COL5A2: variants seen among roughly 807,000 people sequenced by gnomAD.
The protein encoded by COL5A2 is collagen type V alpha 2 chain.
COL5A2 carries 23 observed loss-of-function variants against 208.2 expected under a neutral mutation model. The observed-to-expected ratio is 0.11, with a 90% CI of 0.08 to 0.16. The LOEUF (loss-of-function observed/expected upper bound fraction) is 0.16, where lower values mean the gene tolerates loss of function less well. Among genes scored for constraint, COL5A2 ranks in the 10% least tolerant of loss-of-function variants. The pLI is 1.00. For missense variants in COL5A2, 1,590 were observed against 1,956.4 expected, an observed-to-expected ratio of 0.81 and a Z score of 3.53; for synonymous variants, 625 against 628.5, an observed-to-expected ratio of 0.99 and a Z score of 0.08.
At chr2:189,258,372 C>A in the COL5A2 span, among the ~76,000 whole-genome samples, 1 of 152,188 alleles carries the variant, frequency 6.6e-6, no homozygotes. Flanking sequence ...AATTACCCTA[C>A]AATATCTAAT....
intron 1 of COL5A2, among the ~76,000 whole-genome samples, chr2:189,145,933 T>C (rs1273131441): frequency 1.3e-5 from 2 of 152,050 alleles, no homozygotes; most frequent in East Asian, 3.9e-4. Context: ...ATGAGTGAGG[T>C]AATGACTCTC....
chr2:189,110,228 A>C lies in COL5A2; in HGVS notation c.319T>G (p.Phe107Val), dbSNP rs778501601. ...AGTTGGCCCTAAACATTCTTACCAAAATTGGTATTGCCACCTCCAGGTGTT... is the reference window on the plus strand; with the variant it reads ...AGTTGGCCCTAAACATTCTTACCAACATTGGTATTGCCACCTCCAGGTGTT... Reference protein sequence around the residue: ...SQTPGGGNTNFGRGRKGQKGE... With the variant: ...SQTPGGGNTNVGRGRKGQKGE... Residue 107 changes from phenylalanine (F) to valine (V), a missense_variant, in exon 2 of 54, where the codon TTT becomes GTT. Phe to Val is a conservative substitution (Grantham distance 50). Transcript: ENST00000374866. 13 of 1,611,422 alleles carry C rather than the reference A, an allele frequency of 8.1e-6. No individual in the cohort carries two copies. The highest frequency in any genetic ancestry group is 1.7e-5 in the Admixed American group (1 of 59,994).
At chr2:189,247,155 C>T in the COL5A2 span, among the ~76,000 whole-genome samples, 3 of 152,090 alleles carry the variant, frequency 2.0e-5, no homozygotes, top group Non-Finnish European at 4.4e-5. Context: ...AGAGAAAAAA[C>T]GGCCATGGAC....
chr2:189,308,863 A>G, the COL5A2 span, among the ~76,000 whole-genome samples: 1 of 152,286 alleles, frequency 6.6e-6, no homozygotes, highest in Admixed American at 6.5e-5. Flanking sequence ...TAAAACATAT[A>G]AAACCAAGCT....
At chr2:189,097,832 T>G (rs72906361) in intron 5 of COL5A2, among the ~76,000 whole-genome samples, 19,931 of 152,266 alleles carry the variant, frequency 0.13, 1,323 homozygotes, top group South Asian at 0.18. Context: ...AAGGAAAGCC[T>G]CTTAGCCTAC....
chr2:189,118,203 T>C (rs1687433808), intron 1 of COL5A2, among the ~76,000 whole-genome samples: 1 of 152,020 alleles, frequency 6.6e-6, no homozygotes, highest in Non-Finnish European at 1.5e-5. Flanking sequence ...TATAGGAATA[T>C]GATGTATTAT....
chr2:189,055,217 G>A (rs1355509952), intron 35 of COL5A2, among the ~76,000 whole-genome samples: 2 of 152,134 alleles, frequency 1.3e-5, no homozygotes, highest in Admixed American at 6.5e-5. Context: ...AAAAGGAAAA[G>A]TAGCTAAAGT....
At chr2:189,111,442 CCTT>C (rs1436345433) in intron 1 of COL5A2, among the ~76,000 whole-genome samples, 1 of 152,118 alleles carries the variant, frequency 6.6e-6, no homozygotes, top group African/African-American at 2.4e-5. Context: ...AGGCTAAAGA[CCTT>C]CTTTCCCATT....
the COL5A2 span, among the ~76,000 whole-genome samples, chr2:189,429,092 T>G: frequency 6.6e-6 from 1 of 152,176 alleles, no homozygotes; most frequent in African/African-American, 2.4e-5. Context: ...TGAGGAATGC[T>G]AAGAGAGTCA....
In COL5A2 at chr2:189,186,454, G is replaced by A. The variant is rs988122097; in HGVS notation, c.-42+38694C>T. Among the ~76,000 whole-genome samples the A allele has an allele frequency of 2.0e-5, 3 of 152,092 alleles. 1 individual carries two copies. Among genetic ancestry groups the A allele is most frequent in the South Asian group, 4.1e-4 (2 of 4,828 alleles). On this transcript the variant is annotated intron_variant, in intron 1 of 10. Coordinates refer to the COL5A2 transcript ENST00000649966. ...CAAATACTGTGTTAGCACTTTATAT[G>A]TATTAACTAATTTAATCCTAAAATC...
At chr2:189,103,507 G>T (rs933461007) in intron 3 of COL5A2, among the ~76,000 whole-genome samples, 20 of 151,970 alleles carry the variant, frequency 1.3e-4, no homozygotes, top group African/African-American at 4.6e-4. Flanking sequence ...TGATCCCTGT[G>T]CCCATCTCAT....
At chr2:189,051,508 A>G (rs1685788679) in intron 41 of COL5A2, 27 bp from the exon 42 acceptor site, 3 of 1,585,888 alleles carry the variant, frequency 1.9e-6, no homozygotes, top group Middle Eastern at 1.8e-4. Flanking sequence ...AGAAACACCA[A>G]GGAGGGCAAA....
the COL5A2 span, among the ~76,000 whole-genome samples, chr2:189,261,597 T>C: frequency 5.9e-5 from 9 of 152,222 alleles, no homozygotes; most frequent in Admixed American, 5.2e-4. Context: ...GTCTCAAACC[T>C]AAAGTCAGCA....
Position 189,111,505 on chromosome 2 carries a change from T to G in COL5A2, c.98-1056A>C, listed in dbSNP as rs145694441. On this transcript the variant is annotated intron_variant, in intron 1 of 53. Coordinates refer to ENST00000374866, the MANE Select transcript of COL5A2 (RefSeq NM_000393.5). ...CCCAGCACTACCTCTCCTTCCTTCA[T>G]CCCAGGCCCACATGGCTATCTATCA... 6.0e-3 allele frequency among the ~76,000 whole-genome samples: 918 copies of G among 152,242 alleles called. 8 individuals are homozygous for G. Among genetic ancestry groups the G allele is most frequent in the African/African-American group, 0.021 (854 of 41,550 alleles).
At chr2:189,311,159 T>C in the COL5A2 span, 3 of 673,264 alleles carry the variant, frequency 4.5e-6, no homozygotes, top group Admixed American at 6.6e-5. Context: ...CCCCCAGCAC[T>C]GCACAGCCAC....
the COL5A2 span, among the ~76,000 whole-genome samples, chr2:189,305,969 G>A: frequency 1.3e-5 from 2 of 152,198 alleles, no homozygotes; most frequent in Non-Finnish European, 2.9e-5. Flanking sequence ...GGAGAAAAGT[G>A]TGGAAGTGAG....
chr2:189,103,268 T>C (rs1032209752), intron 3 of COL5A2, among the ~76,000 whole-genome samples: 4 of 152,100 alleles, frequency 2.6e-5, no homozygotes, highest in Admixed American at 2.6e-4. Flanking sequence ...TCCTTTGACA[T>C]ATATTCATAT....
At chr2:189,228,370 T>C (rs1689444071), upstream of COL5A2, among the ~76,000 whole-genome samples, 1 of 151,590 alleles carries the variant, frequency 6.6e-6, no homozygotes. Flanking sequence ...CAAAATTAAT[T>C]GGCCTTTTGA....
At chr2:189,381,831 C>T in the COL5A2 span, among the ~76,000 whole-genome samples, 1 of 151,880 alleles carries the variant, frequency 6.6e-6, no homozygotes, top group African/African-American at 2.4e-5. Flanking sequence ...ATCCTTTAAA[C>T]AGAATTCAAA....
Sources: gnomAD v4.1 joint callset for allele counts (sites outside exome capture counted in the v4.1 genomes callset) on GRCh38, gnomAD v4.1.1 for gene constraint, MANE v1.5 for transcripts, NCBI Gene and HGNC (gene_info 2026-07-23, HGNC 2026-07-21) for gene names.